DPY19L4: variants seen among roughly 807,000 people sequenced by gnomAD.
DPY19L4 encodes dpy-19 like 4.
DPY19L4 carries 97 observed loss-of-function variants against 102.8 expected under a neutral mutation model. That is an observed-to-expected ratio of 0.94 (90% confidence interval 0.80 to 1.12). The LOEUF (loss-of-function observed/expected upper bound fraction) is 1.12, where lower values mean the gene tolerates loss of function less well. Among genes scored for constraint, DPY19L4 ranks in the 50% most tolerant of loss-of-function variants. The pLI is 0.00. For synonymous variants in DPY19L4, 252 were observed against 283.1 expected, an observed-to-expected ratio of 0.89 and a Z score of 1.10; for missense variants, 815 against 850.4, an observed-to-expected ratio of 0.96 and a Z score of 0.52.
intron 12 of DPY19L4, among the ~76,000 whole-genome samples, chr8:94,769,565 T>C (rs1200401844): frequency 2.0e-5 from 3 of 152,138 alleles, no homozygotes; most frequent in East Asian, 3.8e-4. Context: ...AATTATAAAG[T>C]TTGAGGCCAG....
intron 11 of DPY19L4, 57 bp downstream of exon 11, chr8:94,766,742 A>G (rs897349696): frequency 1.3e-6 from 2 of 1,498,534 alleles, no homozygotes; most frequent in African/African-American, 1.4e-5. Flanking sequence ...AAATAAAGAT[A>G]AAAAATACTC....
intron 17 of DPY19L4, 68 bp downstream of exon 17, chr8:94,783,870 T>C: frequency 6.5e-7 from 1 of 1,550,124 alleles, no homozygotes; most frequent in South Asian, 1.2e-5. Context: ...TAGTCTGCAG[T>C]ATACATATGC....
chr8:94,772,096 C>A (rs1035122965), intron 13 of DPY19L4, among the ~76,000 whole-genome samples: 5 of 151,474 alleles, frequency 3.3e-5, no homozygotes, highest in African/African-American at 9.8e-5. Flanking sequence ...TTTTAAACTT[C>A]CCTTGTTCCT....
Position 94,766,778 on chromosome 8 carries a change from C to G in DPY19L4, c.1175+93C>G, listed in dbSNP as rs370967802. The G allele has an allele frequency of 6.0e-5, 71 of 1,178,720 alleles. 1 individual carries two copies. In the East Asian group the frequency reaches 1.1e-3, roughly 18 times the overall value. 73.0% of individuals were successfully genotyped at this position (1,178,720 alleles called of 1,614,324 possible). On this transcript the variant is annotated intron_variant, in intron 11 of 18. Coordinates refer to ENST00000414645, the MANE Select transcript of DPY19L4 (RefSeq NM_181787.3). Reference sequence around the variant, plus strand: ...GATGGCCGGGCATAGTGGCTCACATCTGTAATCCCAGCACTTTAGGAGGCC... The same window carrying G: ...GATGGCCGGGCATAGTGGCTCACATGTGTAATCCCAGCACTTTAGGAGGCC...
chr8:94,766,526 T>C (rs980380727), intron 10 of DPY19L4, 86 bp from the exon 11 acceptor site: 9 of 1,241,372 alleles, frequency 7.3e-6, no homozygotes, highest in Admixed American at 4.7e-5. Flanking sequence ...AGTCTTGTTG[T>C]GTTTTCTGTC....
chr8:94,770,543 T>C lies in DPY19L4; in HGVS notation c.1426T>C (p.Leu476=). 6.2e-7 allele frequency: 1 copy of C among 1,613,182 alleles called. No individual in the cohort carries two copies. Among genetic ancestry groups the C allele is most frequent in the Non-Finnish European group, 8.5e-7 (1 of 1,179,762 alleles). Residue 476 remains leucine, a synonymous_variant, in exon 13 of 19, where the codon TTG becomes CTG. Coordinates refer to ENST00000414645, the MANE Select transcript of DPY19L4 (RefSeq NM_181787.3). ...TTATCATGTAATTCACACTATTTTA[T>C]TGGGTTCTCTTGCAATGGTTATAGA... ...IIYHVIHTIL[L]GSLAMVIEGL... is the part of the protein sequence containing the mutation.
In DPY19L4 at chr8:94,789,739, T is replaced by C. The variant is rs747803003; in HGVS notation, c.2008-7T>C. 9 of 1,587,504 alleles carry C rather than the reference T, an allele frequency of 5.7e-6. No individual in the cohort carries two copies. In the Admixed American group the frequency reaches 1.6e-4, roughly 29 times the overall value. On this transcript the variant is annotated splice_region_variant and splice_polypyrimidine_tract_variant and intron_variant, in intron 18 of 18. Coordinates refer to ENST00000414645, the MANE Select transcript of DPY19L4 (RefSeq NM_181787.3). ...TTTTTAATATTATGTTTTATATCTT[T>C]TAATAGATGGTTTGTGAAGAAGGTG...
At chr8:94,786,284 G>A (rs560159231) in intron 17 of DPY19L4, among the ~76,000 whole-genome samples, 2 of 151,672 alleles carry the variant, frequency 1.3e-5, no homozygotes, top group South Asian at 2.1e-4. Flanking sequence ...ACACCACCAC[G>A]CCTGGCTAAT....
At chr8:94,740,037 AAG>A (rs1354877831) in intron 6 of DPY19L4, among the ~76,000 whole-genome samples, 3 of 152,120 alleles carry the variant, frequency 2.0e-5, no homozygotes, top group Admixed American at 6.6e-5. Flanking sequence ...CCTGTGTAGA[AAG>A]AGAGATCAGA....
chr8:94,745,314 G>A (rs1382521645), intron 6 of DPY19L4, among the ~76,000 whole-genome samples: 3 of 145,606 alleles, frequency 2.1e-5, no homozygotes, highest in South Asian at 2.1e-4. Context: ...CAGGTTCCAC[G>A]TAGAAGCAAT....
chr8:94,748,592 A>G (rs1811780789), intron 6 of DPY19L4, among the ~76,000 whole-genome samples: 1 of 152,006 alleles, frequency 6.6e-6, no homozygotes, highest in Non-Finnish European at 1.5e-5. Context: ...TCACAGCAGG[A>G]GGTGAGTGGC....
intron 17 of DPY19L4, among the ~76,000 whole-genome samples, chr8:94,785,511 G>A (rs1036375057): frequency 6.6e-6 from 1 of 152,166 alleles, no homozygotes; most frequent in Non-Finnish European, 1.5e-5. Flanking sequence ...GTATAGTCTT[G>A]AAACTAGGAA....
At chr8:94,720,174 G>A in intron 1 of DPY19L4, 160 bp downstream of exon 1, 1 of 985,408 alleles carries the variant, frequency 1.0e-6, no homozygotes, top group Non-Finnish European at 1.2e-6. Flanking sequence ...AGAGGACTGC[G>A]GAGAAATTCA....
chr8:94,753,168 T>C (rs1008578342), intron 6 of DPY19L4, among the ~76,000 whole-genome samples: 1 of 152,228 alleles, frequency 6.6e-6, no homozygotes, highest in African/African-American at 2.4e-5. Flanking sequence ...TTTTCTTCTT[T>C]TTGTTTGTAT....
At chr8:94,753,351 T>C (rs1216535802) in intron 6 of DPY19L4, among the ~76,000 whole-genome samples, 1 of 152,200 alleles carries the variant, frequency 6.6e-6, no homozygotes, top group Non-Finnish European at 1.5e-5. Flanking sequence ...AAGGGATAAA[T>C]ACTTGAATGG....
chr8:94,724,885 G>A (rs1475861930), intron 1 of DPY19L4, among the ~76,000 whole-genome samples: 2 of 152,130 alleles, frequency 1.3e-5, no homozygotes, highest in African/African-American at 2.4e-5. Context: ...ACCATACCCG[G>A]CCTAATAATG....
At chr8:94,733,418 C>T (rs924698121) in intron 2 of DPY19L4, among the ~76,000 whole-genome samples, 1 of 152,148 alleles carries the variant, frequency 6.6e-6, no homozygotes, top group African/African-American at 2.4e-5. Flanking sequence ...AGCCACCGTG[C>T]CAGGCCCATC....
chr8:94,751,701 G>T (rs1355993467), intron 6 of DPY19L4, among the ~76,000 whole-genome samples: 1 of 151,596 alleles, frequency 6.6e-6, no homozygotes, highest in Non-Finnish European at 1.5e-5. Context: ...TGTTGCCCAG[G>T]CTGATCTCGA....
chr8:94,756,401 T>C (rs1812165079), intron 7 of DPY19L4, among the ~76,000 whole-genome samples: 1 of 152,200 alleles, frequency 6.6e-6, no homozygotes, highest in South Asian at 2.1e-4. Flanking sequence ...ACTTGACAAA[T>C]ATATGAAACA....
Sources: gnomAD v4.1 joint callset for allele counts (sites outside exome capture counted in the v4.1 genomes callset) on GRCh38, gnomAD v4.1.1 for gene constraint, MANE v1.5 for transcripts, NCBI Gene and HGNC (gene_info 2026-07-23, HGNC 2026-07-21) for gene names.